Variants in ANKMY1 observed in about 807,000 individuals in gnomAD.
The protein encoded by ANKMY1 is ankyrin repeat and MYND domain containing 1, also known as ankyrin repeat and MYND domain-containing protein 1.
Under a neutral mutation model 102.0 loss-of-function variants are expected in ANKMY1, and 98 were observed. The ratio of observed to expected loss-of-function variants is 0.96; its 90% CI spans 0.82 to 1.14. ANKMY1 has a LOEUF of 1.14. Among genes scored for constraint, ANKMY1 ranks in the 50% most tolerant of loss-of-function variants. ANKMY1 has a pLI of 0.00. For synonymous variants in ANKMY1, 582 were observed against 559.9 expected (o/e 1.04, Z -0.56); for missense variants, 1,330 against 1,347.6 (o/e 0.99, Z 0.20).
chr2:240,490,204 T>C (rs2076485236), intron 15 of ANKMY1, among the ~76,000 whole-genome samples: 1 of 152,230 alleles, frequency 6.6e-6, no homozygotes, highest in Non-Finnish European at 1.5e-5. Context: ...TTATCAATCT[T>C]GTTTTCAACT....
In ANKMY1 at chr2:240,529,538, G is replaced by A. The variant is rs753010283; in HGVS notation, c.481-29C>T. The A allele has an allele frequency of 9.0e-6, 14 of 1,559,782 alleles. No individual in the cohort carries two copies. In the South Asian group the frequency reaches 1.7e-4, roughly 18 times the overall value. On this transcript the variant is annotated intron_variant, in intron 4 of 17. Coordinates refer to ENST00000401804, the MANE Select transcript of ANKMY1 (RefSeq NM_001282771.3). This position sits in a 1 kb window ranked among gnomAD's most constrained non-coding sequence, Gnocchi z 4.2. ...CCAAGGAAGCGCAATAGACCGAGGA[G>A]AGATAACGCGACCCAGCTGCACATG... is the stretch of plus-strand genomic sequence containing the variant.
intron 13 of ANKMY1, among the ~76,000 whole-genome samples, chr2:240,507,239 G>T (rs898788692): frequency 6.6e-6 from 1 of 151,960 alleles, no homozygotes; most frequent in East Asian, 1.9e-4. Context: ...CCCACCGCCC[G>T]CCAGGAATGA....
the ANKMY1 span, among the ~76,000 whole-genome samples, chr2:240,468,995 A>G: frequency 1.3e-5 from 2 of 152,186 alleles, no homozygotes; most frequent in African/African-American, 4.8e-5. Context: ...CCCCTGGGAA[A>G]TGAGGGTGGG....
intron 4 of ANKMY1, among the ~76,000 whole-genome samples, chr2:240,534,924 A>C (rs529850713): frequency 6.6e-6 from 1 of 152,280 alleles, no homozygotes; most frequent in East Asian, 1.9e-4. Context: ...GCAACATAGC[A>C]AGACCCCATC....
chr2:240,542,960 TTAA>T (rs1174911498), intron 4 of ANKMY1, among the ~76,000 whole-genome samples: 1 of 151,036 alleles, frequency 6.6e-6, no homozygotes, highest in African/African-American at 2.4e-5. Context: ...AAAAATATAA[TTAA>T]TAATTAGTTA....
At position 240,479,620 on chromosome 2, in the gene ANKMY1, C is replaced by A. The variant is rs768645991; in HGVS notation, c.3082G>T (p.Glu1028Ter). ...GTGCAGCTGCTGCTTCACTGGAATT[C>A]TTCTCTCCTCCTGGAAACTTGCTCC... Reference protein sequence around the residue: ...QLEQVSRRREEFQ With the variant: ...QLEQVSRRRE Residue 1028 changes from glutamate (E) to a stop codon, truncating the protein, a stop_gained, in exon 18 of 18, where the codon GAA becomes TAA. Transcript: ENST00000401804. LOFTEE classifies it high-confidence loss of function. 12 of 1,613,882 alleles carry A rather than the reference C, an allele frequency of 7.4e-6. No individual in the cohort carries two copies. In the South Asian group the frequency reaches 9.9e-5, roughly 13 times the overall value.
At chr2:240,511,541 T>G (rs1233427486) in intron 11 of ANKMY1, among the ~76,000 whole-genome samples, 1 of 152,168 alleles carries the variant, frequency 6.6e-6, no homozygotes. Flanking sequence ...CAGAGACACA[T>G]GAGGATGACA....
intron 15 of ANKMY1, among the ~76,000 whole-genome samples, chr2:240,495,524 T>C (rs946534632): frequency 3.3e-5 from 5 of 152,180 alleles, no homozygotes; most frequent in Admixed American, 2.0e-4. Context: ...CTCCTCTCTC[T>C]CTCCACCTCG....
chr2:240,525,464 G>A (rs1396674202), intron 7 of ANKMY1, among the ~76,000 whole-genome samples: 1 of 152,166 alleles, frequency 6.6e-6, no homozygotes, highest in African/African-American at 2.4e-5. Flanking sequence ...GGGGCCCCAG[G>A]CTGCTATGCA....
intron 4 of ANKMY1, among the ~76,000 whole-genome samples, chr2:240,545,523 G>A (rs1175743681): frequency 6.6e-6 from 1 of 152,222 alleles, no homozygotes; most frequent in African/African-American, 2.4e-5. Flanking sequence ...TGACTTTGAC[G>A]AGCTGAGAGA....
intron 4 of ANKMY1, among the ~76,000 whole-genome samples, chr2:240,552,208 G>A (rs1284689087): frequency 1.3e-5 from 2 of 152,206 alleles, no homozygotes; most frequent in African/African-American, 4.8e-5. Context: ...CTCAGTGATG[G>A]GCTTTCTGTG....
chr2:240,480,171 G>A (rs754777025), intron 17 of ANKMY1, among the ~76,000 whole-genome samples: 21 of 152,194 alleles, frequency 1.4e-4, no homozygotes, highest in South Asian at 8.3e-4. Context: ...CAGACTTGGC[G>A]ACAGAGCAAG....
At chr2:240,509,243 G>GATA (rs1553569092) in intron 12 of ANKMY1, 105 bp downstream of exon 12, 76 of 832,006 alleles carry the variant, frequency 9.1e-5, no homozygotes, top group Non-Finnish European at 1.3e-4. Flanking sequence ...ATGGATGGAT[G>GATA]GATAAATGGC....
At position 240,544,156 on chromosome 2, in the gene ANKMY1, T is replaced by C. The variant is rs79659158; in HGVS notation, c.480+8758A>G. The stretch of plus-strand genomic sequence containing the variant: ...AAAGAGATGTGAAGAAAGTTATGAA[T>C]ATGAAGATATATATTTGTTAAGGAA... On this transcript the variant is annotated intron_variant, in intron 4 of 17. Coordinates refer to ENST00000401804, the MANE Select transcript of ANKMY1 (RefSeq NM_001282771.3). Among the ~76,000 whole-genome samples, 891 of 152,258 alleles carry C rather than the reference T, an allele frequency of 5.9e-3. 10 individuals are homozygous for C. Among genetic ancestry groups the C allele is most frequent in the Middle Eastern group, 0.01 (3 of 294 alleles).
chr2:240,544,828 T>G (rs2089941331), intron 4 of ANKMY1, among the ~76,000 whole-genome samples: 1 of 152,182 alleles, frequency 6.6e-6, no homozygotes, highest in Non-Finnish European at 1.5e-5. Flanking sequence ...CACCAGGAGA[T>G]TACATCCCGC....
chr2:240,482,082 T>C, intron 16 of ANKMY1, 101 bp downstream of exon 16: 1 of 1,335,962 alleles, frequency 7.5e-7, no homozygotes, highest in Non-Finnish European at 1.0e-6. Flanking sequence ...TCAGATGGCA[T>C]GGAGGCTGTC....
intron 4 of ANKMY1, among the ~76,000 whole-genome samples, chr2:240,539,453 C>T (rs1360880494): frequency 2.6e-5 from 4 of 152,218 alleles, no homozygotes; most frequent in African/African-American, 9.7e-5. Flanking sequence ...CACGTCCAAA[C>T]ATCAGAAGGA....
chr2:240,530,564 C>A (rs896232439), intron 4 of ANKMY1, among the ~76,000 whole-genome samples: 5 of 152,240 alleles, frequency 3.3e-5, no homozygotes, highest in African/African-American at 1.2e-4. Context: ...GCTTCCTGTA[C>A]AACCTGCAGA....
intron 7 of ANKMY1, 50 bp downstream of exon 7, chr2:240,525,635 A>G: frequency 2.5e-6 from 4 of 1,585,826 alleles, no homozygotes; most frequent in Non-Finnish European, 3.4e-6. Flanking sequence ...ACAGAGACAG[A>G]GAAGACTACA....
Sources: gnomAD v4.1 joint callset for allele counts (sites outside exome capture counted in the v4.1 genomes callset) on GRCh38, gnomAD v4.1.1 for gene constraint, Gnocchi (gnomAD v3.1) non-coding constraint, MANE v1.5 for transcripts, NCBI Gene and HGNC (gene_info 2026-07-23, HGNC 2026-07-21) for gene names.